MINDY2: variants seen among roughly 807,000 people sequenced by gnomAD.
The protein encoded by MINDY2 is MINDY lysine 48 deubiquitinase 2, also known as ubiquitin carboxyl-terminal hydrolase MINDY-2.
Under a neutral mutation model 68.2 loss-of-function variants are expected in MINDY2, and 52 were observed. The observed-to-expected ratio is 0.76, with a 90% CI of 0.61 to 0.96. The LOEUF is 0.96. Ranked by LOEUF, MINDY2 falls within the 40% of genes least tolerant of loss-of-function variation. The probability of loss-of-function intolerance (pLI) is 0.00; values close to 1 mark genes in which losing one functional copy is unlikely to be tolerated. For synonymous variants in MINDY2, 372 were observed against 303.0 expected (o/e 1.23, Z -2.36); for missense variants, 881 against 773.4 (o/e 1.14, Z -1.65).
At chr15:58,807,663 TA>T (rs764860036) in intron 3 of MINDY2, among the ~76,000 whole-genome samples, 1 of 152,132 alleles carries the variant, frequency 6.6e-6, no homozygotes, top group African/African-American at 2.4e-5. Flanking sequence ...GCGCCCGGCC[TA>T]AAATAGTCTT....
rs1210840166 is a variant in MINDY2 at position 58,858,777 on chromosome 15, T to G, written c.*4167T>G. On this transcript the variant is annotated 3_prime_UTR_variant, in exon 9 of 9. Transcript: ENST00000559228. The stretch of plus-strand genomic sequence containing the variant: ...AAACTTATAATAGTAAAATTACTAA[T>G]GTTTGATAAAATAAGATGGAGGCAT... 1 of 152,164 alleles carries G rather than the reference T, an allele frequency of 6.6e-6. No homozygotes were observed. Among genetic ancestry groups the G allele is most frequent in the East Asian group, 1.9e-4 (1 of 5,204 alleles). 9.4% of individuals were successfully genotyped at this position (152,164 alleles called of 1,614,324 possible). A position where few individuals can be genotyped will look rare whatever the true frequency, so the allele number is the denominator to read the frequency against.
intron 2 of MINDY2, among the ~76,000 whole-genome samples, chr15:58,791,909 G>A (rs916176599): frequency 2.0e-5 from 3 of 151,988 alleles, no homozygotes; most frequent in Non-Finnish European, 2.9e-5. Flanking sequence ...ATTAGAAGGT[G>A]GGGAAGGAGA....
chr15:58,783,630 G>C (rs748396625), intron 1 of MINDY2, among the ~76,000 whole-genome samples: 2 of 152,108 alleles, frequency 1.3e-5, no homozygotes, highest in African/African-American at 4.8e-5. Context: ...TTACTCTTTA[G>C]ATGATTAAGA....
chr15:58,836,951 C>T (rs1447743422), intron 6 of MINDY2, among the ~76,000 whole-genome samples: 6 of 152,138 alleles, frequency 3.9e-5, no homozygotes, highest in South Asian at 2.1e-4. Flanking sequence ...GTCAAAAGCA[C>T]GTCTTCTTCA....
chr15:58,819,489 G>A (rs1343811193), intron 4 of MINDY2, among the ~76,000 whole-genome samples: 2 of 152,040 alleles, frequency 1.3e-5, no homozygotes, highest in Non-Finnish European at 2.9e-5. Context: ...GTGGGAGACA[G>A]AGTAAGAAAA....
chr15:58,821,335 A>C (rs1377375689), intron 4 of MINDY2, among the ~76,000 whole-genome samples: 1 of 151,822 alleles, frequency 6.6e-6, no homozygotes, highest in African/African-American at 2.4e-5. Flanking sequence ...TAGTTAAAAA[A>C]AAAAAAAACT....
rs1188754592 is a variant in MINDY2 at position 58,854,675 on chromosome 15, A to G, written c.*65A>G. 1.3e-6 allele frequency: 2 copies of G among 1,532,264 alleles called. No individual in the cohort carries two copies. The highest frequency in any genetic ancestry group is 8.7e-7 in the Non-Finnish European group (1 of 1,146,270). The allele number at this position is 1,532,264 out of a possible 1,614,324, so 94.9% of individuals were successfully genotyped here. A position where few individuals can be genotyped will look rare whatever the true frequency, so the allele number is the denominator to read the frequency against. On this transcript the variant is annotated 3_prime_UTR_variant, in exon 9 of 9. Coordinates refer to ENST00000559228, the MANE Select transcript of MINDY2 (RefSeq NM_001040450.3). ...GAAACAAAACCACAGGAGGAAAGGA[A>G]GAAAAACCGATCAATACCGTCTGTG...
chr15:58,789,650 T>G (rs922811273), intron 2 of MINDY2, among the ~76,000 whole-genome samples: 8 of 150,942 alleles, frequency 5.3e-5, no homozygotes, highest in Admixed American at 2.7e-4. Context: ...TTTGTTTTTG[T>G]TTTTTTTGTT....
At chr15:58,829,065 TATA>T (rs1265989929) in intron 5 of MINDY2, among the ~76,000 whole-genome samples, 1 of 152,180 alleles carries the variant, frequency 6.6e-6, no homozygotes, top group African/African-American at 2.4e-5. Context: ...CTTTGAGCGT[TATA>T]ATGATTCTCT....
chr15:58,819,239 A>C (rs149236816), intron 4 of MINDY2, among the ~76,000 whole-genome samples: 2 of 152,208 alleles, frequency 1.3e-5, no homozygotes, highest in Non-Finnish European at 2.9e-5. Context: ...GCTTGAGCCC[A>C]GGAGTTTGAG....
chr15:58,808,923 T>G (rs2030018067), intron 3 of MINDY2, among the ~76,000 whole-genome samples: 1 of 152,204 alleles, frequency 6.6e-6, no homozygotes, highest in Non-Finnish European at 1.5e-5. Flanking sequence ...TCTTTAAAAC[T>G]GAAACTTGCC....
intron 1 of MINDY2, among the ~76,000 whole-genome samples, chr15:58,779,041 C>T (rs530994704): frequency 2.7e-5 from 4 of 150,400 alleles, no homozygotes; most frequent in South Asian, 2.1e-4. Flanking sequence ...AGATTACAGG[C>T]GTGAGCCACT....
At chr15:58,813,610 T>C (rs1325439282) in intron 4 of MINDY2, among the ~76,000 whole-genome samples, 1 of 152,162 alleles carries the variant, frequency 6.6e-6, no homozygotes, top group Admixed American at 6.5e-5. Context: ...TGTTTGTTTG[T>C]TTGTTTTTTA....
At chr15:58,851,162 C>G (rs1260107515) in intron 7 of MINDY2, among the ~76,000 whole-genome samples, 1 of 150,890 alleles carries the variant, frequency 6.6e-6, no homozygotes, top group African/African-American at 2.4e-5. Context: ...TTAATAGAGA[C>G]GGGGTTGTAC....
intron 1 of MINDY2, among the ~76,000 whole-genome samples, chr15:58,773,099 A>G (rs1900546087): frequency 6.6e-6 from 1 of 151,386 alleles, no homozygotes; most frequent in Non-Finnish European, 1.5e-5. Flanking sequence ...TTATTTTCAA[A>G]TTGATAATTA....
intron 6 of MINDY2, among the ~76,000 whole-genome samples, chr15:58,846,331 C>T (rs996055363): frequency 2.6e-5 from 4 of 152,120 alleles, no homozygotes; most frequent in Non-Finnish European, 4.4e-5. Flanking sequence ...CGGTGGCTCA[C>T]GCCTGTAATC....
At chr15:58,796,655 C>T (rs1452842821) in intron 2 of MINDY2, among the ~76,000 whole-genome samples, 1 of 152,146 alleles carries the variant, frequency 6.6e-6, no homozygotes, top group African/African-American at 2.4e-5. Context: ...TCCTGAGTAG[C>T]TGGGATTATA....
At chr15:58,790,592 G>A (rs1428159281) in intron 2 of MINDY2, among the ~76,000 whole-genome samples, 18 of 152,096 alleles carry the variant, frequency 1.2e-4, no homozygotes, top group African/African-American at 4.3e-4. Context: ...CCTTAGTGGG[G>A]GGTAAGACAA....
At chr15:58,822,098 C>G (rs1282776740) in intron 5 of MINDY2, among the ~76,000 whole-genome samples, 1 of 151,686 alleles carries the variant, frequency 6.6e-6, no homozygotes, top group South Asian at 2.1e-4. Context: ...AAAAATACAA[C>G]AAAAAATTAG....
Sources: allele counts gnomAD v4.1 joint callset (sites outside exome capture counted in the v4.1 genomes callset), GRCh38; gene constraint gnomAD v4.1.1; transcripts MANE v1.5; gene names NCBI Gene and HGNC (gene_info 2026-07-23, HGNC 2026-07-21).